FER: variants seen among roughly 807,000 people sequenced by gnomAD.
FER encodes tyrosine-protein kinase Fer.
FER carries 63 observed loss-of-function variants against 111.0 expected under a neutral mutation model. The observed-to-expected ratio is 0.57, with a 90% CI of 0.46 to 0.70. FER has a LOEUF of 0.70. Among genes scored for constraint, FER ranks in the 30% least tolerant of loss-of-function variants. FER has a pLI of 0.00. For missense variants in FER, 914 were observed against 954.0 expected (o/e 0.96, Z 0.55); for synonymous variants, 327 against 313.9 (o/e 1.04, Z -0.44).
chr5:108,987,288 A>G (rs570418522), intron 13 of FER, among the ~76,000 whole-genome samples: 1 of 152,098 alleles, frequency 6.6e-6, no homozygotes, highest in African/African-American at 2.4e-5. Flanking sequence ...TCTACTAAAA[A>G]TACAAAAATT....
At chr5:109,011,862 T>G (rs905305453) in intron 13 of FER, among the ~76,000 whole-genome samples, 4 of 152,264 alleles carry the variant, frequency 2.6e-5, no homozygotes, top group Non-Finnish European at 5.9e-5. Flanking sequence ...AAATCTAATG[T>G]AACTAGTTTA....
At chr5:108,851,312 CT>C (rs1184736798) in intron 5 of FER, among the ~76,000 whole-genome samples, 2 of 152,166 alleles carry the variant, frequency 1.3e-5, no homozygotes, top group African/African-American at 4.8e-5. Context: ...CAGGGAAACT[CT>C]GCCTTATAAA....
chr5:109,174,306 C>G (rs1447990461), intron 17 of FER, among the ~76,000 whole-genome samples: 5 of 152,124 alleles, frequency 3.3e-5, no homozygotes, highest in African/African-American at 1.2e-4. Context: ...AAGGTAGATT[C>G]TGAAATGGAA....
intron 13 of FER, among the ~76,000 whole-genome samples, chr5:108,967,384 G>A (rs1205545517): frequency 6.6e-6 from 1 of 152,100 alleles, no homozygotes; most frequent in African/African-American, 2.4e-5. Flanking sequence ...CTCAGAATAG[G>A]GGAGTGTGTG....
intron 10 of FER, among the ~76,000 whole-genome samples, chr5:108,902,250 A>G (rs1270214661): frequency 1.3e-5 from 2 of 152,244 alleles, no homozygotes; most frequent in African/African-American, 2.4e-5. Flanking sequence ...GACCATTATA[A>G]TTACAAAAGG....
At chr5:108,902,759 T>G (rs1750222838) in intron 10 of FER, among the ~76,000 whole-genome samples, 1 of 152,318 alleles carries the variant, frequency 6.6e-6, no homozygotes, top group Non-Finnish European at 1.5e-5. Flanking sequence ...AGGATTATTT[T>G]ATATAATAGT....
At chr5:108,985,417 T>C (rs1299290757) in intron 13 of FER, among the ~76,000 whole-genome samples, 1 of 152,198 alleles carries the variant, frequency 6.6e-6, no homozygotes, top group East Asian at 1.9e-4. Flanking sequence ...CTTTCCACTT[T>C]TTAAAAGTTT....
intron 17 of FER, among the ~76,000 whole-genome samples, chr5:109,131,540 C>G (rs1243664678): frequency 6.6e-6 from 1 of 151,946 alleles, no homozygotes; most frequent in Non-Finnish European, 1.5e-5. Context: ...AAATGTAGAA[C>G]ATTAATTTTA....
At chr5:108,871,324 T>G in intron 6 of FER, 41 bp from the exon 7 acceptor site, 1 of 1,560,450 alleles carries the variant, frequency 6.4e-7, no homozygotes. Flanking sequence ...TCTCTCTTGA[T>G]AAAACTTTAA....
At chr5:108,915,461 CA>C (rs1346094277) in intron 10 of FER, among the ~76,000 whole-genome samples, 7 of 151,936 alleles carry the variant, frequency 4.6e-5, no homozygotes, top group African/African-American at 1.7e-4. Flanking sequence ...CATCTCAAAA[CA>C]AAAACAAAAA....
chr5:108,921,462 A>G (rs1022601280), intron 10 of FER, among the ~76,000 whole-genome samples: 3 of 152,082 alleles, frequency 2.0e-5, no homozygotes, highest in Non-Finnish European at 4.4e-5. Context: ...TCTGCCTTGT[A>G]CAGTGCTTGC....
chr5:108,845,826 T>C (rs1761977045), intron 5 of FER, among the ~76,000 whole-genome samples: 1 of 152,218 alleles, frequency 6.6e-6, no homozygotes, highest in Non-Finnish European at 1.5e-5. Flanking sequence ...GAATGGATGT[T>C]GGATCTTGTC....
intron 3 of FER, among the ~76,000 whole-genome samples, chr5:108,816,118 C>G (rs114324826): frequency 1.1e-3 from 174 of 151,520 alleles, no homozygotes; most frequent in African/African-American, 4.0e-3. Context: ...ATGCTTTAAT[C>G]TATCAAAAAA....
At chr5:108,897,263 C>T (rs1198668413) in intron 9 of FER, among the ~76,000 whole-genome samples, 1 of 152,090 alleles carries the variant, frequency 6.6e-6, no homozygotes, top group Non-Finnish European at 1.5e-5. Context: ...TTACCCTAGG[C>T]ACAGATCTGA....
chr5:109,118,916 G>A (rs1750612340), intron 17 of FER, among the ~76,000 whole-genome samples: 1 of 150,796 alleles, frequency 6.6e-6, no homozygotes, highest in East Asian at 1.9e-4. Flanking sequence ...AGTCTTGCTA[G>A]CGGTCTATCA....
intron 13 of FER, among the ~76,000 whole-genome samples, chr5:108,991,186 T>C (rs890572358): frequency 3.3e-5 from 5 of 151,946 alleles, no homozygotes; most frequent in Non-Finnish European, 7.4e-5. Flanking sequence ...TAGCATAGCA[T>C]GTCTGTCTCA....
chr5:109,005,132 C>T (rs1173116559), intron 13 of FER, among the ~76,000 whole-genome samples: 2 of 151,986 alleles, frequency 1.3e-5, no homozygotes, highest in African/African-American at 2.4e-5. Flanking sequence ...CTGCCCATGA[C>T]GAGATGATGC....
intron 10 of FER, among the ~76,000 whole-genome samples, chr5:108,935,549 G>A (rs1413338950): frequency 6.6e-6 from 1 of 152,022 alleles, no homozygotes; most frequent in Non-Finnish European, 1.5e-5. Context: ...TGGGGTGCGG[G>A]GAGGTGGTAG....
intron 5 of FER, chr5:108,841,771 C>T (rs1408539353): frequency 2.7e-6 from 1 of 364,308 alleles, no homozygotes; most frequent in East Asian, 8.5e-5. Flanking sequence ...GGAGGTCTTT[C>T]TGGACCAATG....
Sources: allele counts gnomAD v4.1 joint callset (sites outside exome capture counted in the v4.1 genomes callset), GRCh38; gene constraint gnomAD v4.1.1; transcripts MANE v1.5; gene names NCBI Gene and HGNC (gene_info 2026-07-23, HGNC 2026-07-21).